XPO1: variants seen among roughly 807,000 people sequenced by gnomAD.
XPO1 encodes the protein exportin 1, also known as exportin-1.
A neutral mutation model predicts 133.3 loss-of-function variants in XPO1; 5 were observed. The observed-to-expected ratio is 0.04, with a 90% CI of 0.02 to 0.08. The LOEUF is 0.08. Ranked by LOEUF, XPO1 falls within the 10% of genes least tolerant of loss-of-function variation. The pLI is 1.00. For missense variants in XPO1, 506 were observed against 1,267.5 expected (o/e 0.40, Z 9.12); for synonymous variants, 419 against 408.2 (o/e 1.03, Z -0.32).
rs1696150175 is a variant in XPO1, at chr2:61,478,114, G to A, written c.*706C>T. ...AATATTTTTAACCATTTCACTTCGA[G>A]TTAATGAAGGCTCACAAATGAGCAA... On this transcript the variant is annotated 3_prime_UTR_variant, in exon 25 of 25. Coordinates refer to ENST00000401558, the MANE Select transcript of XPO1 (RefSeq NM_003400.4). 1 of 231,316 alleles carries A rather than the reference G, an allele frequency of 4.3e-6. No homozygotes were observed. Among genetic ancestry groups the A allele is most frequent in the Admixed American group, 5.7e-5 (1 of 17,680 alleles). The allele number at this position is 231,316 out of a possible 1,614,324, so 14.3% of individuals were successfully genotyped here.
chr2:61,489,451 G>C (rs1398356109), intron 17 of XPO1, among the ~76,000 whole-genome samples: 1 of 150,278 alleles, frequency 6.7e-6, no homozygotes, highest in African/African-American at 2.4e-5. Context: ...CAAAGCAAAA[G>C]CCATTACGCT....
intron 4 of XPO1, among the ~76,000 whole-genome samples, chr2:61,504,438 C>G (rs959669689): frequency 6.6e-6 from 1 of 152,184 alleles, no homozygotes; most frequent in Admixed American, 6.5e-5. Flanking sequence ...CCTAATTGAA[C>G]AAATTACTAT....
intron 20 of XPO1, chr2:61,484,310 AT>A (rs1696561879): frequency 6.1e-6 from 3 of 493,412 alleles, no homozygotes; most frequent in African/African-American, 3.9e-5. Context: ...CACATGAGTT[AT>A]CAAATTGAAG....
chr2:61,484,769 C>CA (rs932981555), intron 20 of XPO1: 1 of 152,482 alleles, frequency 6.6e-6, no homozygotes, highest in Non-Finnish European at 1.5e-5. Flanking sequence ...GCTGGGACTA[C>CA]AGGCGCCCAC....
At chr2:61,502,988 C>A (rs1196868573) in intron 4 of XPO1, among the ~76,000 whole-genome samples, 1 of 137,842 alleles carries the variant, frequency 7.3e-6, no homozygotes, top group African/African-American at 2.9e-5. Flanking sequence ...TTTTTTGAGA[C>A]GGAGTCCTGT....
At position 61,482,988 on chromosome 2, in the gene XPO1, A is replaced by G. The variant is rs756911522; in HGVS notation, c.2781T>C (p.Phe927=). Residue 927 remains phenylalanine, a synonymous_variant, in exon 22 of 25, where the codon TTT becomes TTC. Coordinates refer to ENST00000401558, the MANE Select transcript of XPO1 (RefSeq NM_003400.4). ...TYFCDILQHI[F]SVVTDTSHTA... ...TATGTGAAGTGTCTGTCACAACAGA[A>G]AAGATATGCTGGAGAATATCACAAA... 3.3e-5 allele frequency: 53 copies of G among 1,613,454 alleles called. No homozygotes were observed. The highest frequency in any genetic ancestry group is 4.5e-5 in the Non-Finnish European group (53 of 1,179,928).
chr2:61,523,225 T>C (rs1368925848), intron 3 of XPO1, among the ~76,000 whole-genome samples: 1 of 152,232 alleles, frequency 6.6e-6, no homozygotes, highest in Admixed American at 6.5e-5. Flanking sequence ...CATGGGTTTA[T>C]TTTATATTTT....
chr2:61,527,117 A>C (rs566881565), intron 2 of XPO1, among the ~76,000 whole-genome samples: 72 of 152,274 alleles, frequency 4.7e-4, no homozygotes, highest in Non-Finnish European at 6.5e-4. Context: ...ATTTCAACCA[A>C]AGATCTATTC....
intron 3 of XPO1, among the ~76,000 whole-genome samples, chr2:61,524,689 G>A (rs1200915544): frequency 6.6e-6 from 1 of 152,254 alleles, no homozygotes; most frequent in Non-Finnish European, 1.5e-5. Flanking sequence ...ATTTTGGGGA[G>A]GCCAAGGCGG....
intron 4 of XPO1, among the ~76,000 whole-genome samples, chr2:61,519,576 G>C (rs1216725863): frequency 6.7e-6 from 1 of 149,650 alleles, no homozygotes; most frequent in Non-Finnish European, 1.5e-5. Context: ...GCGGGTGCCT[G>C]TAGTCCCAGC....
In XPO1 at chr2:61,529,485, G is replaced by A. The variant is rs562637955; in HGVS notation, c.127-2964C>T. Reference sequence around the variant, plus strand: ...AGCCTGGCCAACATGGTGAAACCCCGTCTCTACTAAAAATTCAAAAATTAG... The same window carrying A: ...AGCCTGGCCAACATGGTGAAACCCCATCTCTACTAAAAATTCAAAAATTAG... On this transcript the variant is annotated intron_variant, in intron 2 of 24. Coordinates refer to ENST00000401558, the MANE Select transcript of XPO1 (RefSeq NM_003400.4). Among the ~76,000 whole-genome samples, 27 of 152,024 alleles carry A rather than the reference G, an allele frequency of 1.8e-4. No individual in the cohort carries two copies. The South Asian group carries it at 3.5e-3, about 20-fold the overall frequency.
intron 2 of XPO1, among the ~76,000 whole-genome samples, chr2:61,529,089 G>A (rs2104805406): frequency 6.6e-6 from 1 of 152,146 alleles, no homozygotes; most frequent in East Asian, 1.9e-4. Context: ...TACTCAGGAG[G>A]CTGAGGTGGG....
chr2:61,505,645 G>C lies in XPO1; in HGVS notation c.302-3335C>G, dbSNP rs1192814403. ...GTGATCTCAGCTCACTGCAACCTCT[G>C]CCTTCCAGGTTTAAGCGATTATCCT... On this transcript the variant is annotated intron_variant, in intron 4 of 24. Transcript: ENST00000401558. 2.0e-5 allele frequency among the ~76,000 whole-genome samples: 3 copies of C among 152,006 alleles called. No individual in the cohort carries two copies. The South Asian group carries it at 6.2e-4, about 32-fold the overall frequency.
chr2:61,521,697 G>A (rs1698696930), intron 4 of XPO1, among the ~76,000 whole-genome samples: 1 of 152,152 alleles, frequency 6.6e-6, no homozygotes, highest in South Asian at 2.1e-4. Context: ...ACAGCTTTGT[G>A]ATCTTTAGTA....
rs1288081293 is a variant in XPO1 at position 61,498,808 on chromosome 2, C to T, written c.640-16G>A. The stretch of plus-strand genomic sequence containing the variant: ...GAGAATTTTCCTATAACAAAACACA[C>T]TTGTAAATAATTGCTTTCCTATTAT... On this transcript the variant is annotated splice_polypyrimidine_tract_variant and intron_variant, in intron 8 of 24. Transcript: ENST00000401558. 4 of 1,611,806 alleles carry T rather than the reference C, an allele frequency of 2.5e-6. No individual in the cohort carries two copies. The South Asian group carries it at 4.4e-5, about 18-fold the overall frequency.
intron 2 of XPO1, among the ~76,000 whole-genome samples, chr2:61,528,728 TTTATTTATATATATATATATATATATA>T (rs1699019232): frequency 2.0e-5 from 2 of 99,060 alleles, no homozygotes; most frequent in East Asian, 2.9e-4. Flanking sequence ...ATGTCGACAT[TTTATTTATATATATATATATATATATA>T]TATATATATA....
chr2:61,509,211 G>A (rs1265858375), intron 4 of XPO1, among the ~76,000 whole-genome samples: 2 of 151,036 alleles, frequency 1.3e-5, no homozygotes, highest in African/African-American at 4.9e-5. Context: ...CACTATGTTG[G>A]CCAGGCTGTT....
chr2:61,479,001 A>G (rs1317836796), intron 24 of XPO1, 35 bp from the exon 25 acceptor site: 1 of 1,593,560 alleles, frequency 6.3e-7, no homozygotes, highest in Non-Finnish European at 8.5e-7. Context: ...TCAACGCAAT[A>G]AACTTCAACT....
chr2:61,492,283 C>T lies in XPO1; in HGVS notation c.1723+42G>A. ...GACAAAAACATTCATTTATTTTCTT[C>T]AATAAAAATAAAAGCAAAATATAGT... On this transcript the variant is annotated intron_variant, in intron 15 of 24. Transcript: ENST00000401558. This position sits in a 1 kb window ranked among gnomAD's most constrained non-coding sequence, Gnocchi z 5.6. The T allele has an allele frequency of 6.3e-7, 1 of 1,580,716 alleles. No individual in the cohort carries two copies. The highest frequency in any genetic ancestry group is 8.6e-7 in the Non-Finnish European group (1 of 1,169,312).
Sources: gnomAD v4.1 joint callset for allele counts (sites outside exome capture counted in the v4.1 genomes callset) on GRCh38, gnomAD v4.1.1 for gene constraint, Gnocchi (gnomAD v3.1) non-coding constraint, MANE v1.5 for transcripts, NCBI Gene and HGNC (gene_info 2026-07-23, HGNC 2026-07-21) for gene names.